Variants in EXOSC5 observed in about 807,000 individuals in gnomAD.
EXOSC5 encodes the protein exosome component 5.
In EXOSC5, 15 loss-of-function variants were observed where a neutral mutation model predicts 23.7. The observed-to-expected ratio is 0.63, with a 90% CI of 0.42 to 0.97. The LOEUF is 0.97. EXOSC5 is among the 50% of genes least tolerant of loss of function. The pLI is 0.00. For missense variants in EXOSC5, 305 were observed against 316.3 expected (o/e 0.96, Z 0.27); for synonymous variants, 143 against 140.9 (o/e 1.02, Z -0.11).
chr19:41,391,781 C>T, intron 3 of EXOSC5, 60 bp downstream of exon 3: 1 of 1,460,840 alleles, frequency 6.8e-7, no homozygotes, highest in Non-Finnish European at 9.0e-7. Flanking sequence ...GTATATGTAT[C>T]CGCCAGGAGG....
At position 41,386,708 on chromosome 19, in the gene EXOSC5, A is replaced by T; in HGVS notation, c.633T>A (p.Ala211=). The part of the protein sequence containing the change: ...YSDTELQQCL[A]AAQAASQHVF... The stretch of plus-strand genomic sequence containing the variant: ...CGTGTTGCGAAGCGGCCTGGGCCGC[A>T]GCCAGGCACTGCTGGAGCTGCGGGG... The change falls in exon 6 of 6, where the codon GCT becomes GCA. Residue 211 remains alanine (A), a synonymous_variant. Coordinates refer to ENST00000221233, the MANE Select transcript of EXOSC5 (RefSeq NM_020158.4). 1 of 1,598,478 alleles carries T rather than the reference A, an allele frequency of 6.3e-7. No homozygotes were observed. Among genetic ancestry groups the T allele is most frequent in the Non-Finnish European group, 8.5e-7 (1 of 1,173,898 alleles).
At chr19:41,396,610 C>T (rs970148239) in intron 1 of EXOSC5, among the ~76,000 whole-genome samples, 1 of 129,566 alleles carries the variant, frequency 7.7e-6, no homozygotes, top group African/African-American at 3.2e-5. Context: ...GTAAGACTTG[C>T]CCTAATCTTT....
At chr19:41,387,200 A>G (rs1311700895) in intron 5 of EXOSC5, among the ~76,000 whole-genome samples, 1 of 152,190 alleles carries the variant, frequency 6.6e-6, no homozygotes, top group Non-Finnish European at 1.5e-5. Flanking sequence ...AAGAGTTTCC[A>G]GGCTCTGCCC....
chr19:41,393,421 T>C (rs899080259), intron 1 of EXOSC5, among the ~76,000 whole-genome samples: 3 of 151,750 alleles, frequency 2.0e-5, no homozygotes, highest in Admixed American at 1.3e-4. Flanking sequence ...TGTGCCACCA[T>C]GCCTGACTAA....
At position 41,397,219 on chromosome 19, in the gene EXOSC5, A is replaced by C; in HGVS notation, c.110T>G (p.Leu37Arg). 1 of 1,614,202 alleles carries C rather than the reference A, an allele frequency of 6.2e-7. No homozygotes were observed. The highest frequency in any genetic ancestry group is 8.5e-7 in the Non-Finnish European group (1 of 1,180,002). ...SLRHFACEQN[L>R]LSRPDGSASF... ...AGCAGAGCCATCTGGCCGCGACAGCAGGTTCTGTTCGCAGGCAAAGTGCCG... is the reference window on the plus strand; with the variant it reads ...AGCAGAGCCATCTGGCCGCGACAGCCGGTTCTGTTCGCAGGCAAAGTGCCG... The change falls in exon 1 of 6, where the codon CTG (leucine) becomes CGG (arginine). Residue 37 changes from leucine to arginine, a missense_variant. Leu to Arg is a moderately radical substitution (Grantham distance 102). Coordinates refer to ENST00000221233, the MANE Select transcript of EXOSC5 (RefSeq NM_020158.4).
chr19:41,387,639 G>C (rs2038994186), intron 4 of EXOSC5, 36 bp from the exon 5 acceptor site: 1 of 1,455,250 alleles, frequency 6.9e-7, no homozygotes, highest in Non-Finnish European at 9.3e-7. Flanking sequence ...GGGGGACCTA[G>C]GACCTTCCCC....
chr19:41,393,047 G>A (rs1409472995), intron 1 of EXOSC5, 67 bp from the exon 2 acceptor site: 2 of 1,359,098 alleles, frequency 1.5e-6, no homozygotes, highest in Non-Finnish European at 1.0e-6. Flanking sequence ...TTGTGGCACT[G>A]AGCCTGACGG....
At chr19:41,394,681 C>T (rs1395286387) in intron 1 of EXOSC5, among the ~76,000 whole-genome samples, 1 of 152,110 alleles carries the variant, frequency 6.6e-6, no homozygotes, top group South Asian at 2.1e-4. Context: ...CCACATCCGA[C>T]TAATTTTTGT....
intron 3 of EXOSC5, among the ~76,000 whole-genome samples, chr19:41,391,319 C>G (rs1212800760): frequency 6.6e-6 from 1 of 152,172 alleles, no homozygotes; most frequent in African/African-American, 2.4e-5. Flanking sequence ...AGTAAGCTGA[C>G]ATTGCACCAC....
In EXOSC5 at chr19:41,387,553, C is replaced by A; in HGVS notation, c.576G>T (p.Leu192=). ...AGAGCCCCTTGGTGCTGGACATCAG[C>A]AGCTTCCGTTCCACGCTGTCCAGGG... ...TFALDSVERK[L]LMSSTKGLYS... Residue 192 remains leucine (L), a synonymous_variant, in exon 5 of 6, where the codon CTG becomes CTT. Coordinates refer to ENST00000221233, the MANE Select transcript of EXOSC5 (RefSeq NM_020158.4). The A allele has an allele frequency of 6.2e-7, 1 of 1,606,766 alleles. No homozygotes were observed. The highest frequency in any genetic ancestry group is 8.5e-7 in the Non-Finnish European group (1 of 1,177,188).
intron 1 of EXOSC5, among the ~76,000 whole-genome samples, 166 bp from the exon 2 acceptor site, chr19:41,393,146 TAGC>T (rs1160559145): frequency 1.3e-5 from 2 of 152,220 alleles, no homozygotes; most frequent in Admixed American, 1.3e-4. Context: ...ATGGGGAAAA[TAGC>T]AGTCCCTCCC....
At chr19:41,396,721 A>C (rs2039068776) in intron 1 of EXOSC5, among the ~76,000 whole-genome samples, 1 of 150,316 alleles carries the variant, frequency 6.7e-6, no homozygotes, top group Non-Finnish European at 1.5e-5. Flanking sequence ...AACCCAGCGC[A>C]ATGACATTAT....
chr19:41,396,505 C>G (rs919894625), intron 1 of EXOSC5, among the ~76,000 whole-genome samples: 1 of 152,154 alleles, frequency 6.6e-6, no homozygotes, highest in African/African-American at 2.4e-5. Context: ...CCACCGCCCC[C>G]GGCCTCCCGT....
chr19:41,391,481 C>G (rs1651082638), intron 3 of EXOSC5: 1 of 215,252 alleles, frequency 4.6e-6, no homozygotes, highest in Admixed American at 5.9e-5. Flanking sequence ...TGACCTTGGG[C>G]AAGCCCCTTC....
chr19:41,393,621 G>A (rs549896520), intron 1 of EXOSC5, among the ~76,000 whole-genome samples: 6 of 150,828 alleles, frequency 4.0e-5, no homozygotes, highest in African/African-American at 7.3e-5. Context: ...GTGCAGTGGC[G>A]TAATCTCGGC....
At chr19:41,391,680 G>T in intron 3 of EXOSC5, 161 bp downstream of exon 3, 1 of 890,494 alleles carries the variant, frequency 1.1e-6, no homozygotes, top group Non-Finnish European at 1.6e-6. Flanking sequence ...ACAGTGCCTG[G>T]CACATAAGTA....
intron 5 of EXOSC5, among the ~76,000 whole-genome samples, 167 bp downstream of exon 5, chr19:41,387,347 T>C (rs753986518): frequency 3.3e-5 from 5 of 152,182 alleles, no homozygotes; most frequent in Non-Finnish European, 5.9e-5. Flanking sequence ...CCCTTAAACA[T>C]TTCCGCAAAG....
At chr19:41,389,934 CTTT>C (rs368205554) in intron 3 of EXOSC5, 29 bp from the exon 4 acceptor site, 568 of 1,407,138 alleles carry the variant, frequency 4.0e-4, no homozygotes, top group Admixed American at 1.1e-3. Flanking sequence ...GGTTAAGTTT[CTTT>C]TTTTTTTTTT....
chr19:41,388,043 C>A (rs968793177), intron 4 of EXOSC5, among the ~76,000 whole-genome samples: 2 of 152,236 alleles, frequency 1.3e-5, no homozygotes, highest in African/African-American at 4.8e-5. Context: ...CTTTCCATAG[C>A]CAGGCGCTCA....
Sources: allele counts gnomAD v4.1 joint callset (sites outside exome capture counted in the v4.1 genomes callset), GRCh38; gene constraint gnomAD v4.1.1; transcripts MANE v1.5; gene names NCBI Gene and HGNC (gene_info 2026-07-23, HGNC 2026-07-21).